The following PDE8A variants were observed in gnomAD, a reference collection of about 807,000 sequenced individuals.
PDE8A encodes the protein high affinity cAMP-specific and IBMX-insensitive 3',5'-cyclic phosphodiesterase 8A.
In PDE8A, 59 loss-of-function variants were observed where a neutral mutation model predicts 105.0. The observed-to-expected ratio is 0.56, with a 90% CI of 0.46 to 0.70. The LOEUF is 0.70. PDE8A is among the 30% of genes least tolerant of loss of function. The pLI is 0.00. For synonymous variants in PDE8A, 355 were observed against 371.9 expected (o/e 0.95, Z 0.52); for missense variants, 1,014 against 1,045.9 (o/e 0.97, Z 0.42).
chr15:85,018,028 A>T (rs2080357774), intron 1 of PDE8A, among the ~76,000 whole-genome samples: 1 of 152,284 alleles, frequency 6.6e-6, no homozygotes, highest in African/African-American at 2.4e-5. Context: ...TTCTGTAGTT[A>T]TAATATCCAG....
At position 84,988,616 on chromosome 15, in the gene PDE8A, T is replaced by C. The variant is rs575252118; in HGVS notation, c.186+6268T>C. The stretch of plus-strand genomic sequence containing the variant: ...CTACCAAGAGTTCCCCAGGAGCTGG[T>C]TCTTTCCATTGCCCTTTGCCTAGAG... On this transcript the variant is annotated intron_variant, in intron 1 of 21. Transcript: ENST00000394553. Among the ~76,000 whole-genome samples, 8 of 152,320 alleles carry C rather than the reference T, an allele frequency of 5.3e-5. No individual in the cohort carries two copies. In the South Asian group the frequency reaches 6.2e-4, roughly 12 times the overall value.
intron 1 of PDE8A, among the ~76,000 whole-genome samples, chr15:85,045,457 A>G (rs1029763258): frequency 2.0e-5 from 3 of 152,222 alleles, no homozygotes; most frequent in Non-Finnish European, 2.9e-5. Flanking sequence ...ACTACTGCTT[A>G]CCAACTATTT....
intron 1 of PDE8A, among the ~76,000 whole-genome samples, chr15:85,046,065 C>CT (rs34486009): frequency 3.9e-3 from 486 of 124,436 alleles, no homozygotes; most frequent in African/African-American, 8.3e-3. Context: ...CTTTCTGTTT[C>CT]TTTTTTTTTT....
At chr15:85,033,511 G>A (rs191989849) in intron 1 of PDE8A, among the ~76,000 whole-genome samples, 1 of 152,214 alleles carries the variant, frequency 6.6e-6, no homozygotes, top group East Asian at 1.9e-4. Context: ...GCAAGTAAAA[G>A]AAAGAAGACT....
intron 21 of PDE8A, 103 bp downstream of exon 21, chr15:85,136,766 G>T: frequency 1.7e-6 from 2 of 1,178,756 alleles, no homozygotes; most frequent in Non-Finnish European, 1.2e-6. Context: ...TTGGGGCCTG[G>T]GCTTTCAAGA....
chr15:85,017,366 G>A (rs1239518836), intron 1 of PDE8A, among the ~76,000 whole-genome samples: 1 of 151,954 alleles, frequency 6.6e-6, no homozygotes, highest in East Asian at 1.9e-4. Context: ...AAATTCTTTG[G>A]GGTTTTCCAG....
chr15:85,069,285 G>A (rs2081277518), intron 3 of PDE8A, among the ~76,000 whole-genome samples: 1 of 152,200 alleles, frequency 6.6e-6, no homozygotes, highest in African/African-American at 2.4e-5. Flanking sequence ...TGTCAGATGT[G>A]CCTCTCCTCT....
Position 85,014,294 on chromosome 15 carries a change from G to A in PDE8A, c.186+31946G>A, listed in dbSNP as rs530497516. Among the ~76,000 whole-genome samples the A allele has an allele frequency of 5.3e-4, 80 of 152,126 alleles. No homozygotes were observed. In the South Asian group the frequency reaches 0.014, roughly 26 times the overall value. Reference sequence around the variant, plus strand: ...CCCGAGGAGTTGGAAGTACAGGTGCGGGCCACTAGTCCTGGCCACAGTCAT... The same window carrying A: ...CCCGAGGAGTTGGAAGTACAGGTGCAGGCCACTAGTCCTGGCCACAGTCAT... On this transcript the variant is annotated intron_variant, in intron 1 of 21. Transcript: ENST00000394553.
At position 85,136,714 on chromosome 15, in the gene PDE8A, C is replaced by T. The variant is rs369717256; in HGVS notation, c.2383+51C>T. On this transcript the variant is annotated intron_variant, in intron 21 of 21. Transcript: ENST00000394553. ...TATTTTCCTCTAAATAATGGGGAAC[C>T]GCGTATGAAAGAGCAGAGTGCATTT... is the stretch of plus-strand genomic sequence containing the variant. 624 of 1,563,370 alleles carry T rather than the reference C, an allele frequency of 4.0e-4. 2 individuals carry two copies. Among genetic ancestry groups the T allele is most frequent in the Non-Finnish European group, 4.9e-4 (558 of 1,143,892 alleles).
chr15:85,101,848 C>T (rs2081867851), intron 11 of PDE8A, among the ~76,000 whole-genome samples: 1 of 152,098 alleles, frequency 6.6e-6, no homozygotes, highest in Admixed American at 6.5e-5. Flanking sequence ...CAGGCAGTAG[C>T]AGTAGGGCTG....
chr15:84,997,568 T>C (rs902781593), intron 1 of PDE8A, among the ~76,000 whole-genome samples: 4 of 152,114 alleles, frequency 2.6e-5, no homozygotes, highest in African/African-American at 9.7e-5. Flanking sequence ...ATTTATATGA[T>C]GGTACTAATG....
chr15:85,026,443 G>C (rs754430273), intron 1 of PDE8A, among the ~76,000 whole-genome samples: 10 of 152,200 alleles, frequency 6.6e-5, no homozygotes, highest in Middle Eastern at 3.4e-3. Flanking sequence ...CCAAGAGAGA[G>C]GTTCCCCAGA....
Position 85,015,216 on chromosome 15 carries a change from A to G in PDE8A, c.186+32868A>G, listed in dbSNP as rs183552308. ...ATTTGAACATTTGAGTTGTTTCCCT[A>G]CATTATTATATGACCTTGTGCATAA... is the stretch of plus-strand genomic sequence containing the variant. On this transcript the variant is annotated intron_variant, in intron 1 of 21. Coordinates refer to ENST00000394553, the MANE Select transcript of PDE8A (RefSeq NM_002605.3). Among the ~76,000 whole-genome samples the G allele has an allele frequency of 1.4e-4, 21 of 150,002 alleles. 1 individual carries two copies. In the Middle Eastern group the frequency reaches 0.027, roughly 196 times the overall value.
At chr15:85,042,448 C>A (rs780347060) in intron 1 of PDE8A, among the ~76,000 whole-genome samples, 6 of 152,168 alleles carry the variant, frequency 3.9e-5, no homozygotes, top group Non-Finnish European at 8.8e-5. Flanking sequence ...CATGAGCCAC[C>A]ATGCCCAGCC....
At chr15:85,020,012 G>T (rs559175129) in intron 1 of PDE8A, among the ~76,000 whole-genome samples, 15 of 125,070 alleles carry the variant, frequency 1.2e-4, no homozygotes, top group African/African-American at 4.0e-4. Flanking sequence ...CTCTCTTCTG[G>T]CACTTTGCAG....
upstream of PDE8A, among the ~76,000 whole-genome samples, chr15:84,981,528 G>T (rs1477597491): frequency 6.6e-6 from 1 of 152,180 alleles, no homozygotes; most frequent in Non-Finnish European, 1.5e-5. Context: ...CCGCTCCGAG[G>T]GGTTTCCCTC....
At chr15:85,119,226 C>T (rs1207029109) in intron 17 of PDE8A, among the ~76,000 whole-genome samples, 3 of 151,842 alleles carry the variant, frequency 2.0e-5, no homozygotes, top group African/African-American at 7.3e-5. Context: ...CACCTGTAAT[C>T]CCAGTACTTT....
intron 1 of PDE8A, among the ~76,000 whole-genome samples, chr15:84,983,056 A>G (rs1391123143): frequency 6.6e-6 from 1 of 152,118 alleles, no homozygotes; most frequent in Non-Finnish European, 1.5e-5. Flanking sequence ...TTGTTTTTTT[A>G]CATTGCGTGT....
chr15:85,097,810 C>T (rs2081783209), intron 8 of PDE8A, 138 bp from the exon 9 acceptor site: 2 of 616,652 alleles, frequency 3.2e-6, no homozygotes, highest in Non-Finnish European at 5.8e-6. Context: ...GTCCTATTAC[C>T]TGAAATCAGT....
Sources: gnomAD v4.1 joint callset for allele counts (sites outside exome capture counted in the v4.1 genomes callset) on GRCh38, gnomAD v4.1.1 for gene constraint, MANE v1.5 for transcripts, NCBI Gene and HGNC (gene_info 2026-07-23, HGNC 2026-07-21) for gene names.